Variants in SLC17A6 observed in about 807,000 individuals in gnomAD.
SLC17A6 encodes vesicular glutamate transporter 2.
A neutral mutation model predicts 67.1 loss-of-function variants in SLC17A6; 35 were observed. That is an observed-to-expected ratio of 0.52 (90% CI 0.40 to 0.69). SLC17A6 has a LOEUF of 0.69. Ranked by LOEUF, SLC17A6 falls within the 30% of genes least tolerant of loss-of-function variation. SLC17A6 has a pLI of 0.00. For missense variants in SLC17A6, 588 were observed against 723.9 expected (o/e 0.81, Z 2.15); for synonymous variants, 285 against 252.3 (o/e 1.13, Z -1.23).
intron 9 of SLC17A6, 133 bp downstream of exon 9, chr11:22,375,020 T>C: frequency 1.1e-6 from 1 of 910,736 alleles, no homozygotes; most frequent in Non-Finnish European, 1.6e-6. Flanking sequence ...TCACTTAAAA[T>C]AACTTCCTCA....
intron 7 of SLC17A6, among the ~76,000 whole-genome samples, chr11:22,366,052 G>C (rs534871056): frequency 6.6e-6 from 1 of 151,968 alleles, no homozygotes; most frequent in Non-Finnish European, 1.5e-5. Flanking sequence ...GGCAATTTTT[G>C]GTTTGTTGAA....
chr11:22,342,515 G>A (rs556395502), intron 2 of SLC17A6, among the ~76,000 whole-genome samples: 43 of 152,272 alleles, frequency 2.8e-4, no homozygotes, highest in African/African-American at 1.0e-3. Context: ...TCTCAGGCGG[G>A]AAAAGCGCGC....
intron 3 of SLC17A6, among the ~76,000 whole-genome samples, chr11:22,356,860 C>G (rs1025830063): frequency 6.6e-6 from 1 of 152,122 alleles, no homozygotes; most frequent in East Asian, 1.9e-4. Flanking sequence ...AAATTAAAAC[C>G]ACTTCAATTA....
At chr11:22,364,284 T>G (rs554633374) in intron 6 of SLC17A6, among the ~76,000 whole-genome samples, 2 of 152,274 alleles carry the variant, frequency 1.3e-5, no homozygotes, top group South Asian at 4.1e-4. Flanking sequence ...TTAGTGGTAA[T>G]GATAATTATT....
chr11:22,361,016 G>A (rs1341296945), intron 5 of SLC17A6, 32 bp downstream of exon 5: 1 of 1,582,872 alleles, frequency 6.3e-7, no homozygotes, highest in Non-Finnish European at 8.7e-7. Context: ...AGCTATGGTG[G>A]CTAAAAGTTT....
intron 10 of SLC17A6, 134 bp from the exon 11 acceptor site, chr11:22,376,411 G>T: frequency 1.1e-6 from 1 of 950,940 alleles, no homozygotes; most frequent in Non-Finnish European, 1.6e-6. Context: ...ATCCCCGAGA[G>T]AAATTATCAC....
At position 22,378,136 on chromosome 11, in the gene SLC17A6, A is replaced by G. The variant is rs1222454402; in HGVS notation, c.*396A>G. 5.2e-6 allele frequency: 1 copy of G among 192,782 alleles called. No individual in the cohort carries two copies. The highest frequency in any genetic ancestry group is 1.0e-5 in the Non-Finnish European group (1 of 95,314). 11.9% of individuals were successfully genotyped at this position (192,782 alleles called of 1,614,324 possible). Reference sequence around the variant, plus strand: ...TATATATTTGTTACACTGTATTGCAAGATAGCACACAGAAGTTGGCTGCGT... The same window carrying G: ...TATATATTTGTTACACTGTATTGCAGGATAGCACACAGAAGTTGGCTGCGT... On this transcript the variant is annotated 3_prime_UTR_variant, in exon 12 of 12. Transcript: ENST00000263160.
chr11:22,370,819 A>G (rs1382053760), intron 8 of SLC17A6, among the ~76,000 whole-genome samples: 2 of 151,944 alleles, frequency 1.3e-5, no homozygotes, highest in Non-Finnish European at 2.9e-5. Flanking sequence ...AGAATACAGC[A>G]TGCTAACTTC....
At chr11:22,352,942 G>T (rs1855958189) in intron 3 of SLC17A6, among the ~76,000 whole-genome samples, 1 of 152,202 alleles carries the variant, frequency 6.6e-6, no homozygotes, top group Non-Finnish European at 1.5e-5. Flanking sequence ...CAGAATGGAA[G>T]ATAAAATTCC....
rs1856247330 is a variant in SLC17A6 at position 22,377,679 on chromosome 11, A to C, written c.1688A>C (p.Glu563Ala). 1 of 1,612,658 alleles carries C rather than the reference A, an allele frequency of 6.2e-7. No homozygotes were observed. Among genetic ancestry groups the C allele is most frequent in the Non-Finnish European group, 8.5e-7 (1 of 1,179,660 alleles). The change falls in exon 12 of 12, where the codon GAA becomes GCA. Residue 563 changes from glutamate to alanine, a missense_variant. By Grantham distance (107) the Glu-to-Ala change is moderately radical (BLOSUM62 -1). Coordinates refer to ENST00000263160, the MANE Select transcript of SLC17A6 (RefSeq NM_020346.3). ...CCTAGTGGTTGGGAAAAGAAAGAGG[A>C]ATTTGTACAAGGAGAAGTACAAGAC... ...GWPSGWEKKEEFVQGEVQDSH... is the reference protein window; with the variant it reads ...GWPSGWEKKEAFVQGEVQDSH...
intron 8 of SLC17A6, among the ~76,000 whole-genome samples, chr11:22,373,078 C>T (rs1237465916): frequency 6.6e-6 from 1 of 152,140 alleles, no homozygotes; most frequent in African/African-American, 2.4e-5. Context: ...GCTTTGCACA[C>T]CCTTTGCTGA....
At chr11:22,358,432 A>G (rs974787458) in intron 3 of SLC17A6, among the ~76,000 whole-genome samples, 6 of 152,232 alleles carry the variant, frequency 3.9e-5, no homozygotes, top group Middle Eastern at 3.4e-3. Context: ...GGTTCACGCA[A>G]TTCTCCTGCC....
intron 3 of SLC17A6, among the ~76,000 whole-genome samples, chr11:22,352,443 GAAAT>G (rs1488620329): frequency 6.6e-6 from 1 of 152,210 alleles, no homozygotes. Context: ...TAAACTGCTT[GAAAT>G]AAATATTCAT....
At chr11:22,362,885 G>A (rs1348697752) in intron 6 of SLC17A6, 60 bp downstream of exon 6, 3 of 1,301,260 alleles carry the variant, frequency 2.3e-6, no homozygotes, top group Non-Finnish European at 3.3e-6. Flanking sequence ...AAAGAAAATG[G>A]TTGCAGACAA....
chr11:22,359,666 G>A (rs1346314017), intron 4 of SLC17A6, 139 bp downstream of exon 4: 1 of 421,388 alleles, frequency 2.4e-6, no homozygotes, highest in East Asian at 3.7e-5. Flanking sequence ...TGAAACACTG[G>A]AAATGTTAGA....
chr11:22,349,045 CACAA>C (rs1185939640), intron 3 of SLC17A6, among the ~76,000 whole-genome samples: 4 of 152,122 alleles, frequency 2.6e-5, no homozygotes, highest in East Asian at 1.9e-4. Context: ...CACACGGACA[CACAA>C]ACACACACAT....
intron 3 of SLC17A6, among the ~76,000 whole-genome samples, chr11:22,349,163 C>T (rs1855910148): frequency 6.6e-6 from 1 of 152,264 alleles, no homozygotes; most frequent in South Asian, 2.1e-4. Context: ...CTCAATCCTT[C>T]CAGTGAGAAA....
intron 4 of SLC17A6, among the ~76,000 whole-genome samples, chr11:22,359,815 G>A (rs200808089): frequency 1.8e-5 from 2 of 111,844 alleles, no homozygotes; most frequent in Admixed American, 1.8e-4. Context: ...TTGTTAATGT[G>A]TCATGACAAG....
At chr11:22,362,870 G>A (rs1267048221) in intron 6 of SLC17A6, 45 bp downstream of exon 6, 2 of 1,461,198 alleles carry the variant, frequency 1.4e-6, no homozygotes, top group Non-Finnish European at 9.6e-7. Context: ...AATGTGCATA[G>A]GCTAAAAGAA....
Sources: gnomAD v4.1 joint callset for allele counts (sites outside exome capture counted in the v4.1 genomes callset) on GRCh38, gnomAD v4.1.1 for gene constraint, MANE v1.5 for transcripts, NCBI Gene and HGNC (gene_info 2026-07-23, HGNC 2026-07-21) for gene names.